The following BMP7 variants were observed in gnomAD, a reference collection of about 807,000 sequenced individuals.
The protein encoded by BMP7 is bone morphogenetic protein 7.
In BMP7, 12 loss-of-function variants were observed where a neutral mutation model predicts 41.2. That is an observed-to-expected ratio of 0.29 (90% CI 0.19 to 0.47). The LOEUF is 0.47. BMP7 is among the 20% of genes least tolerant of loss of function. The probability of loss-of-function intolerance (pLI) is 0.99; values close to 1 mark genes in which losing one functional copy is unlikely to be tolerated. For synonymous variants in BMP7, 248 were observed against 250.0 expected (o/e 0.99, Z 0.07); for missense variants, 467 against 606.0 (o/e 0.77, Z 2.41).
At chr20:57,226,684 A>G (rs1331881752) in intron 2 of BMP7, among the ~76,000 whole-genome samples, 1 of 152,192 alleles carries the variant, frequency 6.6e-6, no homozygotes, top group Non-Finnish European at 1.5e-5. Context: ...AGCAACACAG[A>G]TTCCTTCGCT....
intron 3 of BMP7, among the ~76,000 whole-genome samples, chr20:57,195,660 G>A (rs576937728): frequency 3.3e-5 from 5 of 152,268 alleles, no homozygotes; most frequent in South Asian, 2.1e-4. Context: ...CGCCGCAGGC[G>A]AGTGGCTCAC....
chr20:57,226,565 G>A (rs1246952103), intron 2 of BMP7, among the ~76,000 whole-genome samples: 2 of 152,232 alleles, frequency 1.3e-5, no homozygotes, highest in Non-Finnish European at 2.9e-5. Context: ...TGACTCAGAG[G>A]ATGAGGGCAC....
intron 3 of BMP7, among the ~76,000 whole-genome samples, chr20:57,184,927 G>A (rs1003751779): frequency 6.6e-6 from 1 of 152,172 alleles, no homozygotes; most frequent in South Asian, 2.1e-4. Flanking sequence ...AGACAATAAA[G>A]CCCTATTGTT....
At chr20:57,222,294 T>TAA (rs58250943) in intron 2 of BMP7, among the ~76,000 whole-genome samples, 1 of 151,670 alleles carries the variant, frequency 6.6e-6, no homozygotes, top group Non-Finnish European at 1.5e-5. Flanking sequence ...GGGACAGAGA[T>TAA]AAAAAAAAGC....
At chr20:57,201,230 C>T (rs1009038860) in intron 3 of BMP7, among the ~76,000 whole-genome samples, 2 of 152,216 alleles carry the variant, frequency 1.3e-5, no homozygotes, top group African/African-American at 4.8e-5. Flanking sequence ...CTTGTAACAA[C>T]CCAATGGCCC....
intron 3 of BMP7, among the ~76,000 whole-genome samples, chr20:57,184,928 C>T (rs993481513): frequency 7.9e-5 from 12 of 152,224 alleles, no homozygotes; most frequent in African/African-American, 2.9e-4. Context: ...GACAATAAAG[C>T]CCTATTGTTT....
chr20:57,250,727 A>T (rs967118711), intron 1 of BMP7, among the ~76,000 whole-genome samples: 1 of 152,132 alleles, frequency 6.6e-6, no homozygotes, highest in Non-Finnish European at 1.5e-5. Flanking sequence ...AACTGTCTAA[A>T]CCCAGCAGGT....
chr20:57,172,324 C>T (rs1247733522), intron 6 of BMP7, among the ~76,000 whole-genome samples: 1 of 152,014 alleles, frequency 6.6e-6, no homozygotes, highest in Non-Finnish European at 1.5e-5. Flanking sequence ...TTTGGAAAAC[C>T]AACACTTAAA....
At chr20:57,184,599 C>T (rs1442513123) in intron 3 of BMP7, among the ~76,000 whole-genome samples, 1 of 152,084 alleles carries the variant, frequency 6.6e-6, no homozygotes, top group Non-Finnish European at 1.5e-5. Context: ...TTGCTGATGT[C>T]CTCTAAAATT....
chr20:57,217,900 T>C (rs1234527429), intron 2 of BMP7, among the ~76,000 whole-genome samples: 1 of 152,246 alleles, frequency 6.6e-6, no homozygotes, highest in African/African-American at 2.4e-5. Context: ...CTGTGTGCTG[T>C]GTCTGTGTCT....
intron 1 of BMP7, among the ~76,000 whole-genome samples, chr20:57,230,278 C>G (rs1314333751): frequency 6.6e-6 from 1 of 152,152 alleles, no homozygotes; most frequent in Non-Finnish European, 1.5e-5. Context: ...TGTCACCAAT[C>G]TGCTTTGATT....
Position 57,174,442 on chromosome 20 carries a change from G to A in BMP7, c.1035+489C>T, listed in dbSNP as rs1450285835. 6.6e-6 allele frequency among the ~76,000 whole-genome samples: 1 copy of A among 152,122 alleles called. No homozygotes were observed. The highest frequency in any genetic ancestry group is 2.4e-5 in the African/African-American group (1 of 41,426). ...GCCTTTTGCCTCACTCCATGCAAAT[G>A]GCTCCAGAGGGGGCAGCCATGTGCC... On this transcript the variant is annotated intron_variant, in intron 5 of 6. Transcript: ENST00000395863. The surrounding 1 kb of genome is among the most constrained non-coding windows in gnomAD (Gnocchi z 4.3).
intron 1 of BMP7, among the ~76,000 whole-genome samples, chr20:57,229,826 G>A (rs1266170893): frequency 1.3e-5 from 2 of 152,218 alleles, no homozygotes; most frequent in African/African-American, 4.8e-5. Context: ...GAACACCATT[G>A]AGGAAGAAGT....
chr20:57,263,265 CTGAT>C (rs2066160904), intron 1 of BMP7, among the ~76,000 whole-genome samples: 1 of 152,216 alleles, frequency 6.6e-6, no homozygotes, highest in Admixed American at 6.5e-5. Context: ...GCCAGCCTGA[CTGAT>C]TAAGAGGCTC....
intron 4 of BMP7, 32 bp downstream of exon 4, chr20:57,183,690 G>A: frequency 6.2e-7 from 1 of 1,612,826 alleles, no homozygotes; most frequent in African/African-American, 1.3e-5. Flanking sequence ...GGTTCCTGTG[G>A]TGGGTCTGTG....
intron 1 of BMP7, among the ~76,000 whole-genome samples, chr20:57,239,658 G>A (rs2066061727): frequency 6.6e-6 from 1 of 152,234 alleles, no homozygotes; most frequent in South Asian, 2.1e-4. Flanking sequence ...CACTCCTGCA[G>A]CAAACTTTTG....
intron 1 of BMP7, among the ~76,000 whole-genome samples, chr20:57,239,766 C>T (rs1032449398): frequency 4.6e-5 from 7 of 152,250 alleles, no homozygotes; most frequent in African/African-American, 1.2e-4. Flanking sequence ...CTCAACACCA[C>T]ATGGAAGCTG....
intron 3 of BMP7, among the ~76,000 whole-genome samples, chr20:57,198,715 A>G (rs973165569): frequency 2.0e-5 from 3 of 152,056 alleles, no homozygotes; most frequent in African/African-American, 7.2e-5. Context: ...GCCAGATGGG[A>G]GGGAAGGAGG....
rs906695203 is a variant in BMP7 at position 57,259,849 on chromosome 20, G to A, written c.418+5856C>T. Among the ~76,000 whole-genome samples the A allele has an allele frequency of 2.6e-5, 4 of 151,930 alleles. No homozygotes were observed. Among genetic ancestry groups the A allele is most frequent in the Non-Finnish European group, 5.9e-5 (4 of 67,916 alleles). On this transcript the variant is annotated intron_variant, in intron 1 of 6. Coordinates refer to ENST00000395863, the MANE Select transcript of BMP7 (RefSeq NM_001719.3). This position sits in a 1 kb window ranked among gnomAD's most constrained non-coding sequence, Gnocchi z 4.7. ...GGCATTGCTATTTCAGTTTGAGTTT[G>A]AGCAATTTTTTTTTTGCCGGGGAAG...
Sources: gnomAD v4.1 joint callset for allele counts (sites outside exome capture counted in the v4.1 genomes callset) on GRCh38, gnomAD v4.1.1 for gene constraint, Gnocchi (gnomAD v3.1) non-coding constraint, MANE v1.5 for transcripts, NCBI Gene and HGNC (gene_info 2026-07-23, HGNC 2026-07-21) for gene names.